UIMC1: variants seen among roughly 807,000 people sequenced by gnomAD.
The protein encoded by UIMC1 is ubiquitin interaction motif containing 1, also known as BRCA1-A complex subunit RAP80.
UIMC1 carries 42 observed loss-of-function variants against 84.9 expected under a neutral mutation model. The ratio of observed to expected loss-of-function variants is 0.49; its 90% CI spans 0.39 to 0.64. The LOEUF is 0.64. UIMC1 is among the 30% of genes least tolerant of loss of function. UIMC1 has a pLI of 0.00. For synonymous variants in UIMC1, 281 were observed against 293.0 expected (o/e 0.96, Z 0.42); for missense variants, 825 against 847.6 (o/e 0.97, Z 0.33).
intron 1 of UIMC1, among the ~76,000 whole-genome samples, chr5:177,012,419 C>T (rs556873106): frequency 1.6e-3 from 247 of 152,236 alleles, no homozygotes; most frequent in African/African-American, 5.7e-3. Context: ...ACTTCAGGGC[C>T]AGGCGCAGTG....
intron 8 of UIMC1, among the ~76,000 whole-genome samples, chr5:176,954,542 C>T (rs1163045844): frequency 6.6e-6 from 1 of 151,680 alleles, no homozygotes; most frequent in Admixed American, 6.6e-5. Context: ...TAAGGTCAGC[C>T]TGGGAAACAC....
chr5:176,931,378 G>C (rs1293348880), intron 10 of UIMC1, among the ~76,000 whole-genome samples: 3 of 152,134 alleles, frequency 2.0e-5, no homozygotes, highest in African/African-American at 7.2e-5. Context: ...ATTAACTCAG[G>C]TGTTAAAAAG....
chr5:176,977,655 ATTCCAGC>A (rs1770339045), intron 2 of UIMC1, among the ~76,000 whole-genome samples: 1 of 151,728 alleles, frequency 6.6e-6, no homozygotes. Flanking sequence ...CACACCTGTA[ATTCCAGC>A]ACTTTAGGAG....
intron 6 of UIMC1, among the ~76,000 whole-genome samples, chr5:176,963,698 C>G (rs1767885007): frequency 6.6e-6 from 1 of 151,976 alleles, no homozygotes; most frequent in Non-Finnish European, 1.5e-5. Flanking sequence ...TTCTAGAAGA[C>G]AGTAGATACA....
intron 2 of UIMC1, among the ~76,000 whole-genome samples, chr5:176,982,100 G>A (rs1234445334): frequency 6.6e-6 from 1 of 152,104 alleles, no homozygotes; most frequent in Admixed American, 6.6e-5. Context: ...AGCTACAGAT[G>A]GCTAGGTGCT....
intron 1 of UIMC1, among the ~76,000 whole-genome samples, chr5:176,993,928 C>G (rs1211994568): frequency 6.6e-6 from 1 of 151,188 alleles, no homozygotes; most frequent in Non-Finnish European, 1.5e-5. Context: ...GAACTGCTTG[C>G]ACTCAGGAAG....
At chr5:176,941,603 T>C (rs1368636288) in intron 10 of UIMC1, among the ~76,000 whole-genome samples, 6 of 152,190 alleles carry the variant, frequency 3.9e-5, no homozygotes, top group Non-Finnish European at 5.9e-5. Flanking sequence ...AATTATACAA[T>C]GTCACATTTA....
upstream of UIMC1, among the ~76,000 whole-genome samples, chr5:177,007,668 T>C (rs1775417391): frequency 6.6e-6 from 1 of 152,232 alleles, no homozygotes; most frequent in Non-Finnish European, 1.5e-5. Flanking sequence ...ATATACTGTT[T>C]ACAGAAAATC....
At chr5:176,918,417 T>C (rs1264509256) in intron 10 of UIMC1, among the ~76,000 whole-genome samples, 1 of 152,224 alleles carries the variant, frequency 6.6e-6, no homozygotes, top group Non-Finnish European at 1.5e-5. Flanking sequence ...GTAAGCCTAA[T>C]GCCCTAAGGC....
At chr5:176,986,788 A>T (rs1772091611) in intron 1 of UIMC1, among the ~76,000 whole-genome samples, 1 of 152,202 alleles carries the variant, frequency 6.6e-6, no homozygotes, top group Admixed American at 6.5e-5. Flanking sequence ...TGCTTTAATC[A>T]TTGAACATTA....
At chr5:176,906,695 C>T (rs868152059) in intron 13 of UIMC1, among the ~76,000 whole-genome samples, 1 of 152,206 alleles carries the variant, frequency 6.6e-6, no homozygotes, top group Admixed American at 6.5e-5. Context: ...CTAAATACTA[C>T]GCACAAACGC....
intron 6 of UIMC1, among the ~76,000 whole-genome samples, chr5:176,968,320 C>T (rs1016833980): frequency 6.6e-6 from 1 of 150,848 alleles, no homozygotes; most frequent in Non-Finnish European, 1.5e-5. Context: ...TGCAGTGAGC[C>T]GAAGATTGCG....
intron 3 of UIMC1, among the ~76,000 whole-genome samples, chr5:176,972,961 G>A (rs1302240816): frequency 2.0e-5 from 3 of 149,222 alleles, no homozygotes; most frequent in Admixed American, 1.3e-4. Context: ...TGTTGCCCAG[G>A]CTGGAGTGCA....
intron 1 of UIMC1, among the ~76,000 whole-genome samples, chr5:177,005,653 A>G (rs909809427): frequency 6.6e-6 from 1 of 152,162 alleles, no homozygotes; most frequent in Middle Eastern, 3.4e-3. Flanking sequence ...TGAGAGTTGA[A>G]GCTGAATGTA....
intron 1 of UIMC1, among the ~76,000 whole-genome samples, chr5:176,987,482 C>T (rs916761973): frequency 2.2e-4 from 32 of 146,072 alleles, no homozygotes; most frequent in Admixed American, 1.6e-3. Context: ...CCCATCTCTA[C>T]CAAAAAATAA....
chr5:176,997,107 C>G (rs1361782330), intron 1 of UIMC1, among the ~76,000 whole-genome samples: 1 of 151,480 alleles, frequency 6.6e-6, no homozygotes, highest in Non-Finnish European at 1.5e-5. Context: ...TACACACCTT[C>G]CAGCCCTGTA....
intron 7 of UIMC1, among the ~76,000 whole-genome samples, chr5:176,956,805 C>T (rs1312952866): frequency 1.3e-5 from 2 of 151,806 alleles, no homozygotes; most frequent in Non-Finnish European, 2.9e-5. Flanking sequence ...ACAGAGAAGA[C>T]AGAATAGCTA....
Position 176,968,619 on chromosome 5 carries a change from C to G in UIMC1, c.1136G>C (p.Ser379Thr). 6.2e-7 allele frequency: 1 copy of G among 1,613,698 alleles called. No individual in the cohort carries two copies. The highest frequency in any genetic ancestry group is 8.5e-7 in the Non-Finnish European group (1 of 1,179,910). Residue 379 changes from serine (S) to threonine (T), a missense_variant, in exon 6 of 15, where the codon AGC (serine) becomes ACC (threonine). Transcript: ENST00000511320. ...TTTCTCTTTCAAGCTTTTAATTGAG[C>G]TTTCCTGGAAATCCTTGGTTTTTGA... ...WHSKTKDFQE[S>T]SIKSLKEKLL...
At chr5:177,018,232 T>C (rs547712031) in intron 1 of UIMC1, among the ~76,000 whole-genome samples, 2 of 152,016 alleles carry the variant, frequency 1.3e-5, no homozygotes, top group Admixed American at 1.3e-4. Context: ...ACACCTGTAG[T>C]CCTAGCTACT....
Sources: allele counts gnomAD v4.1 joint callset (sites outside exome capture counted in the v4.1 genomes callset), GRCh38; gene constraint gnomAD v4.1.1; transcripts MANE v1.5; gene names NCBI Gene and HGNC (gene_info 2026-07-23, HGNC 2026-07-21).